SLC24A2: variants seen among roughly 807,000 people sequenced by gnomAD.
The protein encoded by SLC24A2 is solute carrier family 24 member 2.
Under a neutral mutation model 62.0 loss-of-function variants are expected in SLC24A2, and 36 were observed. The observed-to-expected ratio is 0.58, with a 90% CI of 0.44 to 0.77. SLC24A2 has a LOEUF of 0.77. SLC24A2 is among the 30% of genes least tolerant of loss of function. The probability of loss-of-function intolerance (pLI) is 0.00; values close to 1 mark genes in which losing one functional copy is unlikely to be tolerated. For missense variants in SLC24A2, 846 were observed against 817.9 expected (o/e 1.03, Z -0.42); for synonymous variants, 358 against 294.0 (o/e 1.22, Z -2.23).
At position 19,513,184 on chromosome 9, in the gene SLC24A2, A is replaced by ATATATATATG. The variant is rs1554665755; in HGVS notation, c.*2968_*2969insCATATATATA. Reference sequence around the variant, plus strand: ...TATATATATATATATATGTATATATATATATATGTATATATTTATATATGT... The same window carrying ATATATATATG: ...TATATATATATATATATGTATATATATATATATATGTATATATGTATATATTTATATATGT... On this transcript the variant is annotated 3_prime_UTR_variant, in exon 11 of 11. Transcript: ENST00000341998. The ATATATATATG allele has an allele frequency of 2.6e-4, 24 of 93,426 alleles. No individual in the cohort carries two copies. Among genetic ancestry groups the ATATATATATG allele is most frequent in the African/African-American group, 8.1e-4 (20 of 24,634 alleles). The allele number at this position is 93,426 out of a possible 1,614,324, so 5.8% of individuals were successfully genotyped here. A position where few individuals can be genotyped will look rare whatever the true frequency, so the allele number is the denominator to read the frequency against.
At chr9:19,545,527 C>T (rs929795566) in intron 8 of SLC24A2, among the ~76,000 whole-genome samples, 3 of 151,976 alleles carry the variant, frequency 2.0e-5, no homozygotes, top group African/African-American at 7.3e-5. Context: ...AATTTTCAGC[C>T]TTTTTGCGCG....
chr9:19,717,043 A>G (rs1055399851), intron 2 of SLC24A2, among the ~76,000 whole-genome samples: 10 of 152,188 alleles, frequency 6.6e-5, no homozygotes, highest in Admixed American at 2.6e-4. Flanking sequence ...TTGTGATCTG[A>G]TATCTGAGTT....
At chr9:19,527,749 C>G (rs1436486437) in intron 9 of SLC24A2, among the ~76,000 whole-genome samples, 1 of 152,206 alleles carries the variant, frequency 6.6e-6, no homozygotes, top group African/African-American at 2.4e-5. Flanking sequence ...CAGGCAAAAT[C>G]TTGACATTGC....
chr9:20,299,915 C>A, the SLC24A2 span, among the ~76,000 whole-genome samples: 7 of 152,264 alleles, frequency 4.6e-5, no homozygotes, highest in East Asian at 5.8e-4. Flanking sequence ...TGCTTCTAGA[C>A]TCTACACAGT....
chr9:20,226,962 G>C, the SLC24A2 span, among the ~76,000 whole-genome samples: 1 of 152,166 alleles, frequency 6.6e-6, no homozygotes, highest in Non-Finnish European at 1.5e-5. Flanking sequence ...GAACCTAATG[G>C]TAAGAACAAA....
At chr9:20,092,830 C>G in the SLC24A2 span, among the ~76,000 whole-genome samples, 4 of 152,006 alleles carry the variant, frequency 2.6e-5, no homozygotes, top group South Asian at 8.3e-4. Flanking sequence ...TACATTAGAT[C>G]CCCAGAACTT....
At chr9:19,579,969 T>C (rs1464373854) in intron 5 of SLC24A2, among the ~76,000 whole-genome samples, 3 of 152,238 alleles carry the variant, frequency 2.0e-5, no homozygotes, top group African/African-American at 7.2e-5. Context: ...GGGTAGGAGA[T>C]AACCCTAGAA....
chr9:20,275,438 T>C, the SLC24A2 span, among the ~76,000 whole-genome samples: 4 of 152,326 alleles, frequency 2.6e-5, no homozygotes, highest in Middle Eastern at 3.4e-3. Context: ...TGCTCCTAAA[T>C]GTTTAGGCTT....
the SLC24A2 span, among the ~76,000 whole-genome samples, chr9:20,035,883 A>G: frequency 7.2e-5 from 11 of 152,232 alleles, no homozygotes; most frequent in African/African-American, 2.4e-4. Flanking sequence ...TTCCCTAGAA[A>G]GAAAGTTATC....
chr9:19,634,408 C>T (rs1818260615), intron 2 of SLC24A2, among the ~76,000 whole-genome samples: 1 of 151,896 alleles, frequency 6.6e-6, no homozygotes, highest in Non-Finnish European at 1.5e-5. Context: ...CCTGCCTCAG[C>T]CTCCTGAGTA....
the SLC24A2 span, among the ~76,000 whole-genome samples, chr9:19,899,650 A>G: frequency 6.6e-6 from 1 of 152,246 alleles, no homozygotes; most frequent in Non-Finnish European, 1.5e-5. Flanking sequence ...GCTAATAAAG[A>G]AATATCCAAG....
At chr9:20,197,027 C>A in the SLC24A2 span, among the ~76,000 whole-genome samples, 1 of 152,188 alleles carries the variant, frequency 6.6e-6, no homozygotes, top group Non-Finnish European at 1.5e-5. Context: ...ATAATTTACA[C>A]AGCCCTTCTT....
intron 3 of SLC24A2, among the ~76,000 whole-genome samples, chr9:19,620,756 T>C (rs1032619763): frequency 1.3e-5 from 2 of 152,122 alleles, no homozygotes; most frequent in African/African-American, 4.8e-5. Context: ...ATTTAAGGAG[T>C]TGAAAGGTAT....
the SLC24A2 span, among the ~76,000 whole-genome samples, chr9:20,128,473 CTAGAG>C: frequency 6.6e-6 from 1 of 152,072 alleles, no homozygotes; most frequent in Admixed American, 6.6e-5. Flanking sequence ...GATCTCAAAA[CTAGAG>C]TAATTATAAT....
chr9:20,168,237 T>C, the SLC24A2 span, among the ~76,000 whole-genome samples: 1 of 151,992 alleles, frequency 6.6e-6, no homozygotes, highest in Non-Finnish European at 1.5e-5. Context: ...AACTAGTCAA[T>C]CTGATAAAGA....
intron 2 of SLC24A2, among the ~76,000 whole-genome samples, chr9:19,660,163 T>A (rs1047568779): frequency 6.6e-5 from 10 of 152,132 alleles, no homozygotes; most frequent in African/African-American, 2.4e-4. Context: ...TCTCTACATA[T>A]CCCAGTTCCT....
chr9:19,521,555 C>A (rs1833200366), intron 9 of SLC24A2, among the ~76,000 whole-genome samples: 1 of 152,246 alleles, frequency 6.6e-6, no homozygotes, highest in African/African-American at 2.4e-5. Flanking sequence ...GCTATAATTT[C>A]CACTGGAATC....
intron 8 of SLC24A2, among the ~76,000 whole-genome samples, chr9:19,529,750 C>T (rs1398171214): frequency 4.4e-5 from 6 of 137,204 alleles, no homozygotes; most frequent in South Asian, 2.8e-4. Flanking sequence ...TGGAGACCTT[C>T]GTTTTTTTTT....
At chr9:19,557,580 G>T (rs550278454) in intron 7 of SLC24A2, among the ~76,000 whole-genome samples, 2 of 152,290 alleles carry the variant, frequency 1.3e-5, no homozygotes, top group East Asian at 3.9e-4. Context: ...AATCTGTGCT[G>T]AATAAATGCT....
Sources: gnomAD v4.1 joint callset for allele counts (sites outside exome capture counted in the v4.1 genomes callset) on GRCh38, gnomAD v4.1.1 for gene constraint, MANE v1.5 for transcripts, NCBI Gene and HGNC (gene_info 2026-07-23, HGNC 2026-07-21) for gene names.